UBR1: variants seen among roughly 807,000 people sequenced by gnomAD.
The protein encoded by UBR1 is ubiquitin protein ligase E3 component n-recognin 1, also known as E3 ubiquitin-protein ligase UBR1.
UBR1 carries 102 observed loss-of-function variants against 242.1 expected under a neutral mutation model. That is an observed-to-expected ratio of 0.42 (90% confidence interval 0.36 to 0.50). UBR1 has a LOEUF of 0.50. Among genes scored for constraint, UBR1 ranks in the 20% least tolerant of loss-of-function variants. The pLI is 0.01. For missense variants in UBR1, 1,772 were observed against 2,101.8 expected (o/e 0.84, Z 3.07); for synonymous variants, 675 against 684.8 (o/e 0.99, Z 0.22).
chr15:43,080,974 G>GT (rs1247104236), intron 3 of UBR1, among the ~76,000 whole-genome samples: 4 of 152,106 alleles, frequency 2.6e-5, no homozygotes, highest in Non-Finnish European at 5.9e-5. Flanking sequence ...TTCGTGTGCA[G>GT]TTTTTTTGTA....
At chr15:43,028,337 A>G (rs572982897) in intron 21 of UBR1, among the ~76,000 whole-genome samples, 7 of 152,312 alleles carry the variant, frequency 4.6e-5, no homozygotes, top group Non-Finnish European at 8.8e-5. Context: ...TAAATAGGGA[A>G]CACTATTTTT....
At chr15:43,075,852 T>C (rs1341232978) in intron 3 of UBR1, among the ~76,000 whole-genome samples, 1 of 151,946 alleles carries the variant, frequency 6.6e-6, no homozygotes, top group Admixed American at 6.6e-5. Flanking sequence ...CGACCTCAGG[T>C]GATCCGCCCG....
At chr15:43,027,329 GA>G (rs1180160894) in intron 22 of UBR1, among the ~76,000 whole-genome samples, 2 of 151,796 alleles carry the variant, frequency 1.3e-5, no homozygotes, top group Admixed American at 6.6e-5. Context: ...TATCAGTATC[GA>G]TTTTTCAAAT....
intron 1 of UBR1, among the ~76,000 whole-genome samples, chr15:43,100,126 C>T (rs1276219967): frequency 5.9e-5 from 9 of 152,086 alleles, no homozygotes; most frequent in African/African-American, 1.7e-4. Context: ...AAACCCACCT[C>T]GGCCTCCCAA....
chr15:42,988,574 G>A, intron 35 of UBR1: 1 of 485,830 alleles, frequency 2.1e-6, no homozygotes, highest in South Asian at 2.2e-5. Context: ...AATCCACCGT[G>A]CCCAGCTTTT....
intron 44 of UBR1, among the ~76,000 whole-genome samples, chr15:42,956,155 T>C (rs1245533354): frequency 3.3e-5 from 5 of 152,236 alleles, no homozygotes; most frequent in Middle Eastern, 3.2e-3. Context: ...CCTGTTCTGC[T>C]GTTTAATGGG....
chr15:43,070,882 C>T lies in UBR1; in HGVS notation c.572G>A (p.Arg191Lys), dbSNP rs2033816726. Residue 191 changes from arginine to lysine, a missense_variant, in exon 5 of 47, where the codon AGG (arginine) becomes AAG (lysine). Arg to Lys is a conservative substitution (Grantham distance 26). This residue lies in a region of UBR1 where 734 missense variants were observed against 893.3 expected (regional missense o/e 0.82). Coordinates refer to ENST00000290650, the MANE Select transcript of UBR1 (RefSeq NM_174916.3). ...TTTTATCACTGAAGGAAATATTTTC[C>T]TGGCTTGGACAATTACCTCTTCATT... ...PLNEEVIVQARKIFPSVIKYV... is the reference protein window; with the variant it reads ...PLNEEVIVQAKKIFPSVIKYV... The T allele has an allele frequency of 1.2e-6, 2 of 1,613,556 alleles. No individual in the cohort carries two copies. Among genetic ancestry groups the T allele is most frequent in the African/African-American group, 2.7e-5 (2 of 74,870 alleles).
chr15:43,032,420 TA>T, intron 20 of UBR1, 147 bp downstream of exon 20: 1 of 579,562 alleles, frequency 1.7e-6, no homozygotes, highest in Non-Finnish European at 3.0e-6. Context: ...TACTGAAAAA[TA>T]AAAATGTAAA....
chr15:43,038,171 A>C lies in UBR1; in HGVS notation c.1911T>G (p.Phe637Leu), dbSNP rs200515587. 1 of 1,614,064 alleles carries C rather than the reference A, an allele frequency of 6.2e-7. No homozygotes were observed. The change falls in exon 16 of 47, where the codon TTT (phenylalanine) becomes TTG (leucine). Residue 637 changes from phenylalanine (F) to leucine (L), a missense_variant and splice_region_variant. Around this residue, in one of 3 missense-constraint regions of UBR1, gnomAD observed 734 missense variants for 893.3 expected, o/e 0.82. Transcript: ENST00000290650. ...AVSRLHEFVS[F>L]EDFQVEVLVE... ...ATCAATACTTAGTAGAATCACTTAC[A>C]AAAGACACAAATTCATGCAGTCTTG... is the stretch of plus-strand genomic sequence containing the variant.
chr15:43,105,601 G>C (rs1481952405), intron 1 of UBR1, among the ~76,000 whole-genome samples: 1 of 152,002 alleles, frequency 6.6e-6, no homozygotes, highest in Non-Finnish European at 1.5e-5. Context: ...AAGAGTAAAG[G>C]GTTAGTACTG....
At chr15:43,069,503 C>T (rs2033797121) in intron 5 of UBR1, among the ~76,000 whole-genome samples, 1 of 152,176 alleles carries the variant, frequency 6.6e-6, no homozygotes, top group Admixed American at 6.5e-5. Context: ...TCTCGATCTC[C>T]TGACGTCGTG....
At chr15:43,095,720 G>A (rs2034151922) in intron 1 of UBR1, among the ~76,000 whole-genome samples, 1 of 152,106 alleles carries the variant, frequency 6.6e-6, no homozygotes, top group South Asian at 2.1e-4. Context: ...TGAGGCAAGG[G>A]GTTAAAAGCT....
At chr15:43,060,230 A>T (rs2033666533) in intron 6 of UBR1, 116 bp from the exon 7 acceptor site, 1 of 970,366 alleles carries the variant, frequency 1.0e-6, no homozygotes, top group Admixed American at 1.7e-5. Flanking sequence ...GTGTTGACTA[A>T]AAGTTGTAAG....
intron 1 of UBR1, among the ~76,000 whole-genome samples, chr15:43,093,220 G>T (rs573044542): frequency 2.6e-5 from 4 of 152,270 alleles, no homozygotes; most frequent in African/African-American, 9.6e-5. Context: ...GCCTGTTTGG[G>T]AACATCATTC....
chr15:43,019,574 G>A lies in UBR1; in HGVS notation c.2940+1701C>T, dbSNP rs558433903. The stretch of plus-strand genomic sequence containing the variant: ...TGAGTGCAGAAGCTCCATAATCCTG[G>A]CTTCAGGTTTTTTTTTTTTTTTTTT... On this transcript the variant is annotated intron_variant, in intron 27 of 46. Transcript: ENST00000290650. Among the ~76,000 whole-genome samples the A allele has an allele frequency of 2.0e-5, 3 of 150,082 alleles. No individual in the cohort carries two copies. The South Asian group carries it at 6.3e-4, about 32-fold the overall frequency.
chr15:43,024,737 T>G lies in UBR1; in HGVS notation c.2739+92A>C. On this transcript the variant is annotated intron_variant, in intron 25 of 46. Transcript: ENST00000290650. ...ACCCCTATGTTTCCGGTGCTCTAGA[T>G]GTGGTTCCAACTGAAGTTAGACCTG... The G allele has an allele frequency of 8.3e-6, 13 of 1,563,108 alleles. 1 individual carries two copies. Among genetic ancestry groups the G allele is most frequent in the South Asian group, 2.2e-5 (2 of 89,580 alleles).
At chr15:42,970,412 A>C (rs2032184533) in intron 40 of UBR1, 108 bp downstream of exon 40, 8 of 1,185,434 alleles carry the variant, frequency 6.7e-6, no homozygotes, top group Non-Finnish European at 8.7e-6. Flanking sequence ...CTAGGCAATA[A>C]CTGATTATTT....
At chr15:42,975,960 CT>C (rs1427502447) in intron 39 of UBR1, among the ~76,000 whole-genome samples, 1 of 152,178 alleles carries the variant, frequency 6.6e-6, no homozygotes, top group Non-Finnish European at 1.5e-5. Flanking sequence ...TTAAGGGATC[CT>C]CCTGCCTTGG....
At chr15:42,993,972 A>C (rs1202354126) in intron 33 of UBR1, among the ~76,000 whole-genome samples, 1 of 152,168 alleles carries the variant, frequency 6.6e-6, no homozygotes, top group East Asian at 1.9e-4. Flanking sequence ...CTGTCTTCTA[A>C]GCATGGTTTT....
Sources: allele counts gnomAD v4.1 joint callset (sites outside exome capture counted in the v4.1 genomes callset), GRCh38; gene constraint gnomAD v4.1.1; regional missense constraint gnomAD v4.1.1; transcripts MANE v1.5; gene names NCBI Gene and HGNC (gene_info 2026-07-23, HGNC 2026-07-21).